MRC1: variants seen among roughly 807,000 people sequenced by gnomAD.
MRC1 encodes the protein macrophage mannose receptor 1.
In MRC1, 62 loss-of-function variants were observed where a neutral mutation model predicts 102.9. The observed-to-expected ratio is 0.60, with a 90% CI of 0.49 to 0.74. The LOEUF (loss-of-function observed/expected upper bound fraction) is 0.74, where lower values mean the gene tolerates loss of function less well. Among genes scored for constraint, MRC1 ranks in the 30% least tolerant of loss-of-function variants. MRC1 has a pLI of 0.00. For synonymous variants in MRC1, 457 were observed against 298.4 expected (o/e 1.53, Z -5.48); for missense variants, 1,237 against 862.8 (o/e 1.43, Z -5.43).
intron 3 of MRC1, among the ~76,000 whole-genome samples, chr10:17,831,871 G>A (rs1391276070): frequency 1.3e-5 from 2 of 151,564 alleles, no homozygotes; most frequent in Admixed American, 6.6e-5. Flanking sequence ...ATCATTGGCC[G>A]CTTACAGAGT....
intron 4 of MRC1, among the ~76,000 whole-genome samples, chr10:17,834,118 C>G (rs988069647): frequency 6.6e-6 from 1 of 152,176 alleles, no homozygotes; most frequent in Non-Finnish European, 1.5e-5. Context: ...ATGCCACAAT[C>G]GATTAATGAT....
At chr10:17,866,813 A>G (rs1005877202) in intron 12 of MRC1, 52 bp downstream of exon 12, 3 of 780,604 alleles carry the variant, frequency 3.8e-6, no homozygotes, top group African/African-American at 1.7e-5. Context: ...GCTTCAGCCT[A>G]AAGAATCATC....
intron 1 of MRC1, among the ~76,000 whole-genome samples, chr10:17,811,159 A>G (rs1803776661): frequency 6.6e-6 from 1 of 152,130 alleles, no homozygotes; most frequent in Admixed American, 6.5e-5. Flanking sequence ...CATTTAATCG[A>G]TTTGGAATAT....
intron 7 of MRC1, among the ~76,000 whole-genome samples, chr10:17,851,751 C>G (rs1838920807): frequency 1.3e-5 from 2 of 152,200 alleles, no homozygotes; most frequent in African/African-American, 4.8e-5. Flanking sequence ...ATCTGCAAAT[C>G]AAGTGAAAGG....
chr10:17,882,712 A>G (rs1478010958), intron 21 of MRC1, among the ~76,000 whole-genome samples: 2 of 152,160 alleles, frequency 1.3e-5, no homozygotes, highest in African/African-American at 4.8e-5. Flanking sequence ...TACCGAGAAC[A>G]TTTGACAAGT....
chr10:17,862,015 T>C (rs1269808449), intron 10 of MRC1, among the ~76,000 whole-genome samples: 4 of 152,348 alleles, frequency 2.6e-5, no homozygotes, highest in African/African-American at 9.6e-5. Flanking sequence ...TCTAGGGTCC[T>C]ATCTATTTTT....
chr10:17,830,574 C>G (rs957257821), intron 3 of MRC1, among the ~76,000 whole-genome samples: 1 of 151,272 alleles, frequency 6.6e-6, no homozygotes, highest in African/African-American at 2.5e-5. Flanking sequence ...TCCATGTAGA[C>G]ATTTATTTTC....
intron 4 of MRC1, among the ~76,000 whole-genome samples, chr10:17,836,256 A>T (rs1379358625): frequency 1.3e-5 from 2 of 152,194 alleles, no homozygotes; most frequent in Non-Finnish European, 2.9e-5. Context: ...GAGACCGAGG[A>T]TAGAAAAGCA....
chr10:17,891,596 G>T (rs1333701675), intron 22 of MRC1, among the ~76,000 whole-genome samples: 1 of 152,166 alleles, frequency 6.6e-6, no homozygotes, highest in African/African-American at 2.4e-5. Context: ...CATGAAACTG[G>T]TCCCTGGTGC....
At chr10:17,849,804 C>T (rs1838886633) in intron 7 of MRC1, 40 bp downstream of exon 7, 1 of 756,592 alleles carries the variant, frequency 1.3e-6, no homozygotes, top group Admixed American at 1.8e-5. Context: ...GGCTTTAATC[C>T]TGGGAGCACC....
rs1403306182 is a variant in MRC1 at position 17,910,630 on chromosome 10, G to C, written c.*165G>C. 1.5e-5 allele frequency: 10 copies of C among 684,848 alleles called. No homozygotes were observed. The highest frequency in any genetic ancestry group is 4.1e-4 in the Middle Eastern group (1 of 2,454). The allele number at this position is 684,848 out of a possible 1,614,324, so 42.4% of individuals were successfully genotyped here. On this transcript the variant is annotated 3_prime_UTR_variant, in exon 30 of 30. Coordinates refer to ENST00000569591, the MANE Select transcript of MRC1 (RefSeq NM_002438.4). ...GAAATAATTGCTTGTTTTCTAGCCT[G>C]GCAAGATATTTTCATAAAAGAGGGA...
chr10:17,875,440 C>T (rs1833416751), intron 17 of MRC1, among the ~76,000 whole-genome samples, 187 bp downstream of exon 17: 1 of 152,164 alleles, frequency 6.6e-6, no homozygotes, highest in Non-Finnish European at 1.5e-5. Flanking sequence ...CCTGCATCCC[C>T]AAAGTCCATT....
At chr10:17,905,755 G>A (rs940527203) in intron 26 of MRC1, among the ~76,000 whole-genome samples, 3 of 152,058 alleles carry the variant, frequency 2.0e-5, no homozygotes, top group Non-Finnish European at 2.9e-5. Context: ...GGTTAGGTAC[G>A]GACCCTCAAG....
intron 1 of MRC1, among the ~76,000 whole-genome samples, chr10:17,816,995 C>A (rs1383911833): frequency 6.6e-6 from 1 of 151,926 alleles, no homozygotes; most frequent in East Asian, 1.9e-4. Flanking sequence ...TGCCTGTAAT[C>A]CCAGCACTTT....
intron 4 of MRC1, among the ~76,000 whole-genome samples, chr10:17,834,516 G>A (rs974965543): frequency 6.6e-5 from 10 of 152,104 alleles, no homozygotes; most frequent in African/African-American, 2.4e-4. Flanking sequence ...GGGTTCACAT[G>A]ATTCTCCTGC....
intron 21 of MRC1, among the ~76,000 whole-genome samples, chr10:17,881,899 G>C (rs1833526327): frequency 8.1e-6 from 1 of 124,122 alleles, no homozygotes; most frequent in Non-Finnish European, 1.6e-5. Flanking sequence ...GCCCAGGCTG[G>C]TCTTAAACTC....
intron 14 of MRC1, among the ~76,000 whole-genome samples, chr10:17,871,736 A>G (rs962120951): frequency 5.9e-5 from 9 of 152,292 alleles, no homozygotes; most frequent in Middle Eastern, 3.4e-3. Flanking sequence ...ATTCTATTTA[A>G]TAAGAGTAAA....
chr10:17,884,314 C>A (rs1007913983), intron 21 of MRC1, among the ~76,000 whole-genome samples: 1 of 152,178 alleles, frequency 6.6e-6, no homozygotes, highest in Admixed American at 6.5e-5. Flanking sequence ...TAGATCCAAG[C>A]ACACTGAGTA....
chr10:17,910,361 G>A lies in MRC1; in HGVS notation c.4267G>A (p.Ala1423Thr), dbSNP rs1183517411. ...KRRVHLPQEGAFENTLYFNSQ... is the reference protein window; with the variant it reads ...KRRVHLPQEGTFENTLYFNSQ... Reference sequence around the variant, plus strand: ...ACGTGTGCACCTACCTCAAGAGGGCGCCTTTGAAAACACTCTGTATTTTAA... The same window carrying A: ...ACGTGTGCACCTACCTCAAGAGGGCACCTTTGAAAACACTCTGTATTTTAA... The change falls in exon 30 of 30, where the codon GCC becomes ACC. Residue 1423 changes from alanine to threonine, a missense_variant. Transcript: ENST00000569591. 9.0e-6 allele frequency: 7 copies of A among 780,574 alleles called. No individual in the cohort carries two copies. The highest frequency in any genetic ancestry group is 3.4e-5 in the African/African-American group (2 of 59,068). 48.4% of individuals were successfully genotyped at this position (780,574 alleles called of 1,614,324 possible). A position where few individuals can be genotyped will look rare whatever the true frequency, so the allele number is the denominator to read the frequency against.
Sources: allele counts gnomAD v4.1 joint callset (sites outside exome capture counted in the v4.1 genomes callset), GRCh38; gene constraint gnomAD v4.1.1; transcripts MANE v1.5; gene names NCBI Gene and HGNC (gene_info 2026-07-23, HGNC 2026-07-21).